TCTN1: variants seen among roughly 807,000 people sequenced by gnomAD.
TCTN1 encodes tectonic family member 1.
Under a neutral mutation model 65.8 loss-of-function variants are expected in TCTN1, and 58 were observed. The observed-to-expected ratio is 0.88, with a 90% CI of 0.71 to 1.10. The LOEUF is 1.10. Ranked by LOEUF, TCTN1 falls within the 50% of genes least tolerant of loss-of-function variation. The pLI is 0.00. For synonymous variants in TCTN1, 273 were observed against 289.1 expected, an observed-to-expected ratio of 0.94 and a Z score of 0.57; for missense variants, 645 against 719.4, an observed-to-expected ratio of 0.90 and a Z score of 1.18.
At chr12:110,646,796 G>T (rs984209445) in intron 12 of TCTN1, 1 of 248,736 alleles carries the variant, frequency 4.0e-6, no homozygotes. Flanking sequence ...ATGCAATCAG[G>T]TTTTGTCTGC....
At chr12:110,633,835 G>A (rs983540911) in intron 5 of TCTN1, among the ~76,000 whole-genome samples, 2 of 152,288 alleles carry the variant, frequency 1.3e-5, no homozygotes, top group South Asian at 2.1e-4. Flanking sequence ...GGGCAATTTA[G>A]CAATTTGTAT....
chr12:110,626,331 A>G, intron 2 of TCTN1, 31 bp from the exon 3 acceptor site: 1 of 1,546,226 alleles, frequency 6.5e-7, no homozygotes, highest in Non-Finnish European at 8.7e-7. Context: ...TATGTCTTGT[A>G]ACTTTGTATT....
intron 5 of TCTN1, 47 bp downstream of exon 5, chr12:110,632,606 T>A (rs2066307497): frequency 6.3e-7 from 1 of 1,599,684 alleles, no homozygotes; most frequent in East Asian, 2.2e-5. Flanking sequence ...GCTGTTATTA[T>A]TAGGTTGGTG....
intron 3 of TCTN1, among the ~76,000 whole-genome samples, chr12:110,627,078 T>A (rs1377202882): frequency 2.0e-5 from 3 of 150,768 alleles, no homozygotes; most frequent in Non-Finnish European, 3.0e-5. Flanking sequence ...AGCCCTATTA[T>A]TACTATTTTT....
At chr12:110,617,553 C>G (rs528956460) in intron 1 of TCTN1, among the ~76,000 whole-genome samples, 1 of 152,028 alleles carries the variant, frequency 6.6e-6, no homozygotes, top group South Asian at 2.1e-4. Context: ...TCTCAAACTC[C>G]TAACCTCAGG....
chr12:110,623,657 C>T (rs961236397), intron 2 of TCTN1, among the ~76,000 whole-genome samples: 9 of 152,202 alleles, frequency 5.9e-5, no homozygotes, highest in Admixed American at 5.9e-4. Flanking sequence ...AACCAACGAT[C>T]ATAGCTCGCT....
At position 110,645,101 on chromosome 12, in the gene TCTN1, A is replaced by G. The variant is rs2067209864; in HGVS notation, c.1466A>G (p.His489Arg). The G allele has an allele frequency of 6.2e-7, 1 of 1,614,056 alleles. No individual in the cohort carries two copies. The highest frequency in any genetic ancestry group is 1.1e-5 in the South Asian group (1 of 91,074). ...GACATGCTGGACTGGGTGCCCATCC[A>G]CTTCATCACCCAGTCATTCAACAGG... ...AQDMLDWVPI[H>R]FITQSFNRKH... Residue 489 changes from histidine (H) to arginine (R), a missense_variant, in exon 12 of 15, where the codon CAC (histidine) becomes CGC (arginine). Coordinates refer to ENST00000397659, the MANE Select transcript of TCTN1 (RefSeq NM_001082538.3).
chr12:110,626,727 C>CTGGA (rs2135981130), intron 3 of TCTN1, among the ~76,000 whole-genome samples: 1 of 149,430 alleles, frequency 6.7e-6, no homozygotes, highest in South Asian at 2.1e-4. Flanking sequence ...TTACAGGTGC[C>CTGGA]TGCCACCATG....
Position 110,641,157 on chromosome 12 carries a change from T to G in TCTN1, c.1104+8T>G. 2 of 1,614,210 alleles carry G rather than the reference T, an allele frequency of 1.2e-6. No homozygotes were observed. The highest frequency in any genetic ancestry group is 2.2e-5 in the South Asian group (2 of 91,080). ...GAAATTCATTTTCTTCAGGTAAGGT[T>G]GATCAATTTGGCATAAGTATTTAAT... is the stretch of plus-strand genomic sequence containing the variant. On this transcript the variant is annotated splice_region_variant and intron_variant, in intron 9 of 14. Transcript: ENST00000397659.
intron 6 of TCTN1, among the ~76,000 whole-genome samples, chr12:110,635,376 G>A (rs2066493632): frequency 6.6e-6 from 1 of 152,290 alleles, no homozygotes; most frequent in East Asian, 1.9e-4. Flanking sequence ...CCATATGATA[G>A]GCTGAGGCAG....
At chr12:110,624,081 A>G (rs1480604296) in intron 2 of TCTN1, among the ~76,000 whole-genome samples, 1 of 150,614 alleles carries the variant, frequency 6.6e-6, no homozygotes, top group African/African-American at 2.4e-5. Context: ...CTGTCCAGCT[A>G]TCTGTCTATT....
intron 5 of TCTN1, 126 bp downstream of exon 5, chr12:110,632,685 A>G (rs913810931): frequency 1.1e-6 from 1 of 920,740 alleles, no homozygotes; most frequent in Non-Finnish European, 1.7e-6. Context: ...CACCAACTTA[A>G]TACTTTACAT....
At chr12:110,629,776 A>G (rs1321043430) in intron 4 of TCTN1, 1 of 152,224 alleles carries the variant, frequency 6.6e-6, no homozygotes, top group Non-Finnish European at 1.5e-5. Context: ...ATCATTCTAT[A>G]AAGACACACG....
At chr12:110,648,974 C>G (rs1003854422) in intron 14 of TCTN1, 69 bp from the exon 15 acceptor site, 1 of 443,756 alleles carries the variant, frequency 2.3e-6, no homozygotes, top group African/African-American at 2.1e-5. Flanking sequence ...CTATTTAGAA[C>G]AGCTTGAAAA....
intron 11 of TCTN1, among the ~76,000 whole-genome samples, chr12:110,642,720 C>G (rs1297296508): frequency 6.6e-6 from 1 of 151,930 alleles, no homozygotes; most frequent in Non-Finnish European, 1.5e-5. Flanking sequence ...GCCTCAGTCT[C>G]CCAAGTAGTT....
chr12:110,618,148 C>T (rs2065175974), intron 1 of TCTN1, among the ~76,000 whole-genome samples: 1 of 148,890 alleles, frequency 6.7e-6, no homozygotes, highest in Admixed American at 6.8e-5. Flanking sequence ...TCTCAGTTTA[C>T]TGCAACCTCT....
intron 7 of TCTN1, 100 bp downstream of exon 7, chr12:110,636,601 G>A (rs1031586129): frequency 1.1e-4 from 84 of 735,002 alleles, no homozygotes; most frequent in Middle Eastern, 4.2e-4. Flanking sequence ...AATTAGAAGG[G>A]GACCTTGTTG....
chr12:110,642,421 G>C, intron 11 of TCTN1, 32 bp downstream of exon 11: 1 of 1,614,142 alleles, frequency 6.2e-7, no homozygotes, highest in Middle Eastern at 1.7e-4. Context: ...GTTTGAACTT[G>C]TGCTGATCAG....
intron 11 of TCTN1, 22 bp downstream of exon 11, chr12:110,642,411 G>C: frequency 6.2e-7 from 1 of 1,614,146 alleles, no homozygotes; most frequent in Non-Finnish European, 8.5e-7. Context: ...ACTTGTTTCT[G>C]TTTGAACTTG....
Sources: allele counts gnomAD v4.1 joint callset (sites outside exome capture counted in the v4.1 genomes callset), GRCh38; gene constraint gnomAD v4.1.1; transcripts MANE v1.5; gene names NCBI Gene and HGNC (gene_info 2026-07-23, HGNC 2026-07-21).